The following LOC128462377 variants were observed in gnomAD, a reference collection of about 807,000 sequenced individuals.
chr16:89,385,545 A>G, the LOC128462377 span, among the ~76,000 whole-genome samples: 2 of 152,016 alleles, frequency 1.3e-5, no homozygotes, highest in African/African-American at 2.4e-5. Flanking sequence ...TCAGAGCCTC[A>G]AGCTGCTCCC....
At chr16:89,403,321 CGGCCCCTCCTGACT>C in the LOC128462377 span, among the ~76,000 whole-genome samples, 4 of 152,138 alleles carry the variant, frequency 2.6e-5, no homozygotes, top group East Asian at 3.9e-4. Flanking sequence ...CCCTCCTGAC[CGGCCCCTCCTGACT>C]GGCCCCAGCA....
At chr16:89,379,536 G>A in the LOC128462377 span, among the ~76,000 whole-genome samples, 1 of 152,202 alleles carries the variant, frequency 6.6e-6, no homozygotes, top group African/African-American at 2.4e-5. Flanking sequence ...CGCCCAGACA[G>A]AGCTCAGTCA....
At chr16:89,411,812 AAG>A in the LOC128462377 span, among the ~76,000 whole-genome samples, 2 of 152,218 alleles carry the variant, frequency 1.3e-5, no homozygotes, top group African/African-American at 4.8e-5. Flanking sequence ...TGGGGAAAAA[AAG>A]AGACTAGAAT....
At chr16:89,331,545 A>G in the LOC128462377 span, among the ~76,000 whole-genome samples, 2 of 152,218 alleles carry the variant, frequency 1.3e-5, no homozygotes, top group East Asian at 1.9e-4. Flanking sequence ...CACATTTAGG[A>G]AAGAGCCTTT....
At chr16:89,327,252 T>C in the LOC128462377 span, among the ~76,000 whole-genome samples, 2 of 152,104 alleles carry the variant, frequency 1.3e-5, no homozygotes, top group African/African-American at 4.8e-5. Context: ...AGAAAATCAT[T>C]TGATAAAATT....
At chr16:89,335,962 C>A in the LOC128462377 span, among the ~76,000 whole-genome samples, 1 of 152,264 alleles carries the variant, frequency 6.6e-6, no homozygotes, top group Non-Finnish European at 1.5e-5. Context: ...GTGCAACATG[C>A]TTCAAGATGC....
chr16:89,410,458 C>T, the LOC128462377 span, among the ~76,000 whole-genome samples: 1 of 152,158 alleles, frequency 6.6e-6, no homozygotes, highest in Admixed American at 6.5e-5. Context: ...AGCCCTCAGA[C>T]CAGACTAAGA....
the LOC128462377 span, among the ~76,000 whole-genome samples, chr16:89,417,101 C>CT: frequency 6.6e-6 from 1 of 152,214 alleles, no homozygotes; most frequent in South Asian, 2.1e-4. Flanking sequence ...CTCAGATTCC[C>CT]TTTCCTTCAA....
chr16:89,336,744 C>T, the LOC128462377 span, among the ~76,000 whole-genome samples: 1 of 152,166 alleles, frequency 6.6e-6, no homozygotes, highest in Admixed American at 6.5e-5. Flanking sequence ...TACCTATCTG[C>T]TTCTAATGTT....
chr16:89,407,350 G>C, the LOC128462377 span, among the ~76,000 whole-genome samples: 1 of 152,072 alleles, frequency 6.6e-6, no homozygotes, highest in South Asian at 2.1e-4. Flanking sequence ...AGATGATATG[G>C]CCAGAGGTTT....
the LOC128462377 span, among the ~76,000 whole-genome samples, chr16:89,369,837 G>A: frequency 6.6e-6 from 1 of 152,202 alleles, no homozygotes; most frequent in Non-Finnish European, 1.5e-5. Context: ...TGCCACCACT[G>A]GGGAAGCTTG....
At chr16:89,407,896 CT>C in the LOC128462377 span, among the ~76,000 whole-genome samples, 83 of 151,206 alleles carry the variant, frequency 5.5e-4, no homozygotes, top group African/African-American at 2.0e-3. Flanking sequence ...ATATTAACTC[CT>C]TTGTCCACAT....
chr16:89,372,671 C>T, the LOC128462377 span, among the ~76,000 whole-genome samples: 1 of 151,924 alleles, frequency 6.6e-6, no homozygotes, highest in Non-Finnish European at 1.5e-5. Context: ...TGAACAAGTG[C>T]AAGGAGGAGA....
At chr16:89,393,299 ACT>A in the LOC128462377 span, among the ~76,000 whole-genome samples, 1 of 148,540 alleles carries the variant, frequency 6.7e-6, no homozygotes, top group Non-Finnish European at 1.5e-5. Flanking sequence ...TCTTTTTTTT[ACT>A]TTTTTTATTT....
the LOC128462377 span, among the ~76,000 whole-genome samples, chr16:89,331,807 T>C: frequency 1.3e-5 from 2 of 152,190 alleles, no homozygotes; most frequent in East Asian, 1.9e-4. Context: ...TTTATTTTCA[T>C]TTAGTCTAAG....
chr16:89,408,950 G>C, the LOC128462377 span, among the ~76,000 whole-genome samples: 1 of 152,202 alleles, frequency 6.6e-6, no homozygotes, highest in Admixed American at 6.5e-5. Flanking sequence ...CCGCTGTGGA[G>C]TGCGGTTTCT....
the LOC128462377 span, among the ~76,000 whole-genome samples, chr16:89,357,426 T>A: frequency 6.6e-6 from 1 of 151,968 alleles, no homozygotes; most frequent in African/African-American, 2.4e-5. Context: ...GGTGGGAACA[T>A]ATAATGGTGC....
chr16:89,365,211 A>G, the LOC128462377 span, among the ~76,000 whole-genome samples: 2 of 152,318 alleles, frequency 1.3e-5, no homozygotes, highest in East Asian at 3.9e-4. Context: ...GGCTGGTCAG[A>G]AGGGGAAGTT....
chr16:89,337,675 C>T, the LOC128462377 span, among the ~76,000 whole-genome samples: 1,527 of 152,082 alleles, frequency 0.01, 19 homozygotes, highest in African/African-American at 0.035. Flanking sequence ...CTCCTGACCT[C>T]GGGATCCACC....
Sources: gnomAD v4.1 joint callset for allele counts (sites outside exome capture counted in the v4.1 genomes callset) on GRCh38, gnomAD v4.1.1 for gene constraint, MANE v1.5 for transcripts.